Variants in PIP4P2 observed in about 807,000 individuals in gnomAD.
PIP4P2 encodes the protein phosphatidylinositol-4,5-bisphosphate 4-phosphatase 2, also known as type 2 phosphatidylinositol 4,5-bisphosphate 4-phosphatase.
In PIP4P2, 19 loss-of-function variants were observed where a neutral mutation model predicts 33.3. The observed-to-expected ratio is 0.57, with a 90% CI of 0.40 to 0.84. The LOEUF is 0.84. PIP4P2 is among the 40% of genes least tolerant of loss of function. The probability of loss-of-function intolerance (pLI) is 0.00; values close to 1 mark genes in which losing one functional copy is unlikely to be tolerated. For missense variants in PIP4P2, 270 were observed against 324.7 expected (o/e 0.83, Z 1.29); for synonymous variants, 110 against 111.9 (o/e 0.98, Z 0.11).
intron 3 of PIP4P2, 67 bp downstream of exon 3, chr8:91,020,090 G>A: frequency 6.7e-7 from 1 of 1,495,802 alleles, no homozygotes; most frequent in Non-Finnish European, 9.3e-7. Flanking sequence ...TGGCACTGAA[G>A]AACCTTTAGT....
intron 6 of PIP4P2, among the ~76,000 whole-genome samples, chr8:90,996,324 G>A (rs1811628237): frequency 6.6e-6 from 1 of 152,032 alleles, no homozygotes; most frequent in African/African-American, 2.4e-5. Context: ...AATGAATATT[G>A]CTTTGAATAA....
intron 1 of PIP4P2, among the ~76,000 whole-genome samples, chr8:91,032,798 AAAAG>A (rs1563569506): frequency 6.7e-6 from 1 of 149,772 alleles, no homozygotes; most frequent in African/African-American, 2.5e-5. Flanking sequence ...AAAAAAAAAA[AAAAG>A]AAAGAAACAC....
At chr8:91,021,674 C>CA (rs2130370649) in intron 1 of PIP4P2, among the ~76,000 whole-genome samples, 1 of 152,260 alleles carries the variant, frequency 6.6e-6, no homozygotes, top group Non-Finnish European at 1.5e-5. Context: ...AATCTATACT[C>CA]AAAATGTCAC....
Position 91,018,363 on chromosome 8 carries a change from AT to A in PIP4P2, c.486+26del, listed in dbSNP as rs1811949047. On this transcript the variant is annotated intron_variant, in intron 4 of 6. Transcript: ENST00000285419. ...GTAAGATCATGACCTATATTTACAG[AT>A]TAATGACAAATGTCCAGTGACTTAC... 3 of 1,613,826 alleles carry A rather than the reference AT, an allele frequency of 1.9e-6. No individual in the cohort carries two copies. The East Asian group carries it at 6.7e-5, about 36-fold the overall frequency.
chr8:91,004,473 C>T (rs1399950680), intron 5 of PIP4P2, among the ~76,000 whole-genome samples: 1 of 152,104 alleles, frequency 6.6e-6, no homozygotes, highest in Non-Finnish European at 1.5e-5. Flanking sequence ...TTCCTTAATC[C>T]AGTCAAGTTG....
intron 1 of PIP4P2, among the ~76,000 whole-genome samples, chr8:91,028,069 CTG>C (rs1812106770): frequency 6.6e-6 from 1 of 152,130 alleles, no homozygotes; most frequent in South Asian, 2.1e-4. Flanking sequence ...CAATTAAACA[CTG>C]AATACAGGTG....
At chr8:91,037,519 TC>T (rs1812248375) in intron 1 of PIP4P2, among the ~76,000 whole-genome samples, 2 of 152,342 alleles carry the variant, frequency 1.3e-5, no homozygotes, top group Non-Finnish European at 1.5e-5. Flanking sequence ...AGCACTGTCT[TC>T]ATCACCATTG....
Position 91,010,018 on chromosome 8 carries a change from G to T in PIP4P2, c.487-1223C>A, listed in dbSNP as rs565784831. Among the ~76,000 whole-genome samples, 5 of 151,730 alleles carry T rather than the reference G, an allele frequency of 3.3e-5. No individual in the cohort carries two copies. In the South Asian group the frequency reaches 1.0e-3, roughly 31 times the overall value. The stretch of plus-strand genomic sequence containing the variant: ...CCAAGGGCACTTATTTTTCAAGCTA[G>T]AGTGAATATTTCTCTCATTAATTAT... On this transcript the variant is annotated intron_variant, in intron 4 of 6. Coordinates refer to ENST00000285419, the MANE Select transcript of PIP4P2 (RefSeq NM_018710.3).
At position 91,021,388 on chromosome 8, in the gene PIP4P2, T is replaced by A; in HGVS notation, c.123A>T (p.Pro41=). The A allele has an allele frequency of 4.3e-6, 7 of 1,613,730 alleles. No homozygotes were observed. Among genetic ancestry groups the A allele is most frequent in the Non-Finnish European group, 5.9e-6 (7 of 1,179,752 alleles). ...ESSPRAELPP[P]YTAIASPDAS... is the part of the protein sequence containing the mutation. ...CGTCTGGACTGGCAATGGCTGTATA[T>A]GGAGGTGGGAGCTCCGCTGAAAAGA... The change falls in exon 2 of 7, where the codon CCA becomes CCT. Residue 41 remains proline (P), a synonymous_variant. Transcript: ENST00000285419.
chr8:91,015,745 C>T (rs1219609388), intron 4 of PIP4P2, among the ~76,000 whole-genome samples: 1 of 152,148 alleles, frequency 6.6e-6, no homozygotes, highest in African/African-American at 2.4e-5. Flanking sequence ...ACTGCTGTGT[C>T]TGGTTTCTAT....
At chr8:91,024,291 C>T (rs1378038289) in intron 1 of PIP4P2, 2 of 435,488 alleles carry the variant, frequency 4.6e-6, no homozygotes, top group African/African-American at 4.0e-5. Context: ...GATTTTACCT[C>T]AAGGAAACAT....
At chr8:91,015,066 G>C (rs1371265602) in intron 4 of PIP4P2, among the ~76,000 whole-genome samples, 1 of 152,026 alleles carries the variant, frequency 6.6e-6, no homozygotes, top group East Asian at 1.9e-4. Flanking sequence ...GGAACACCAG[G>C]CACAGAAGAC....
intron 1 of PIP4P2, among the ~76,000 whole-genome samples, chr8:91,036,081 C>T (rs1812228317): frequency 6.6e-6 from 1 of 152,056 alleles, no homozygotes; most frequent in African/African-American, 2.4e-5. Flanking sequence ...TACCTTAGCA[C>T]ATGTATGTTC....
chr8:91,039,152 C>A (rs567879064), intron 1 of PIP4P2, among the ~76,000 whole-genome samples: 3 of 152,320 alleles, frequency 2.0e-5, no homozygotes, highest in East Asian at 3.9e-4. Context: ...CCATAAAAGG[C>A]TGACTTGATG....
At chr8:91,029,691 G>T (rs1157753219) in intron 1 of PIP4P2, among the ~76,000 whole-genome samples, 1 of 152,174 alleles carries the variant, frequency 6.6e-6, no homozygotes, top group East Asian at 1.9e-4. Flanking sequence ...GGGATCATAT[G>T]CATAGATAAG....
intron 1 of PIP4P2, among the ~76,000 whole-genome samples, chr8:91,029,024 G>C (rs1276651139): frequency 6.6e-6 from 1 of 152,136 alleles, no homozygotes; most frequent in African/African-American, 2.4e-5. Flanking sequence ...TGGGCACAGT[G>C]GCTCATGCCT....
intron 2 of PIP4P2, 65 bp from the exon 3 acceptor site, chr8:91,020,328 G>T: frequency 6.8e-7 from 1 of 1,474,200 alleles, no homozygotes; most frequent in Non-Finnish European, 9.5e-7. Context: ...AAGTTTGTTT[G>T]TGTTTAAAAA....
rs572491839 is a variant in PIP4P2, at chr8:91,040,854, G to C, written c.-105C>G. 5 of 1,088,882 alleles carry C rather than the reference G, an allele frequency of 4.6e-6. No homozygotes were observed. In the African/African-American group the frequency reaches 6.2e-5, roughly 14 times the overall value. 67.5% of individuals were successfully genotyped at this position (1,088,882 alleles called of 1,614,324 possible). On this transcript the variant is annotated 5_prime_UTR_variant, in exon 1 of 7. Transcript: ENST00000285419. The stretch of plus-strand genomic sequence containing the variant: ...TGCTGCCGCTGCTGCCGCTGCAGCT[G>C]CTGCTGCTGCCGCCTCCGGGAGGGC...
intron 1 of PIP4P2, among the ~76,000 whole-genome samples, chr8:91,030,003 C>T (rs1482588017): frequency 6.6e-6 from 1 of 151,592 alleles, no homozygotes; most frequent in East Asian, 1.9e-4. Context: ...ATATATAGTA[C>T]AAATATGAGG....
Sources: gnomAD v4.1 joint callset for allele counts (sites outside exome capture counted in the v4.1 genomes callset) on GRCh38, gnomAD v4.1.1 for gene constraint, MANE v1.5 for transcripts, NCBI Gene and HGNC (gene_info 2026-07-23, HGNC 2026-07-21) for gene names.